The following TENM3 variants were observed in gnomAD, a reference collection of about 807,000 sequenced individuals.
TENM3 encodes the protein teneurin-3.
TENM3 carries 63 observed loss-of-function variants against 255.1 expected under a neutral mutation model. That is an observed-to-expected ratio of 0.25 (90% CI 0.20 to 0.30). The LOEUF is 0.30. Among genes scored for constraint, TENM3 ranks in the 10% least tolerant of loss-of-function variants. The pLI, the probability that TENM3 is intolerant of heterozygous loss-of-function variation, is 1.00. For missense variants in TENM3, 2,929 were observed against 3,461.1 expected (o/e 0.85, Z 3.86); for synonymous variants, 1,306 against 1,322.3 (o/e 0.99, Z 0.27).
the TENM3 span, among the ~76,000 whole-genome samples, chr4:181,786,166 T>C: frequency 6.6e-6 from 1 of 152,248 alleles, no homozygotes; most frequent in East Asian, 1.9e-4. Flanking sequence ...ATTATTAACT[T>C]TGGGACTTAC....
At chr4:182,088,130 A>C in the TENM3 span, among the ~76,000 whole-genome samples, 18,523 of 152,276 alleles carry the variant, frequency 0.12, 1,379 homozygotes, top group Non-Finnish European at 0.16. Context: ...TTCTAAAAAT[A>C]ATTTTACTCC....
chr4:181,680,196 G>T, the TENM3 span, among the ~76,000 whole-genome samples: 1 of 152,016 alleles, frequency 6.6e-6, no homozygotes, highest in East Asian at 1.9e-4. Context: ...ATTTATATCT[G>T]AACTCTACAG....
At chr4:182,403,788 C>T (rs1328691315) in intron 3 of TENM3, among the ~76,000 whole-genome samples, 1 of 152,158 alleles carries the variant, frequency 6.6e-6, no homozygotes, top group African/African-American at 2.4e-5. Flanking sequence ...GTGGCATGAT[C>T]ATGGCTCACT....
At chr4:181,815,412 G>A in the TENM3 span, among the ~76,000 whole-genome samples, 6 of 140,534 alleles carry the variant, frequency 4.3e-5, no homozygotes, top group South Asian at 2.3e-4. Flanking sequence ...GCAGTAAGCC[G>A]AGATCATGCC....
the TENM3 span, among the ~76,000 whole-genome samples, chr4:182,031,433 A>G: frequency 6.6e-6 from 1 of 152,138 alleles, no homozygotes; most frequent in African/African-American, 2.4e-5. Flanking sequence ...TTGTACCAGT[A>G]CCATGCTGTT....
the TENM3 span, among the ~76,000 whole-genome samples, chr4:181,969,189 C>T: frequency 0.035 from 5,306 of 152,182 alleles, 320 homozygotes; most frequent in African/African-American, 0.12. Context: ...CTGCCAAACA[C>T]GTTACAAATG....
chr4:182,528,545 C>G (rs1467178825), intron 3 of TENM3, among the ~76,000 whole-genome samples: 1 of 152,036 alleles, frequency 6.6e-6, no homozygotes, highest in Non-Finnish European at 1.5e-5. Flanking sequence ...CAGCAAAGAC[C>G]TTAAACCAAA....
the TENM3 span, among the ~76,000 whole-genome samples, chr4:181,955,437 A>G: frequency 6.6e-6 from 1 of 152,216 alleles, no homozygotes; most frequent in Non-Finnish European, 1.5e-5. Flanking sequence ...ATCAGCCAGG[A>G]AAATGTCTGG....
At chr4:182,757,494 A>G (rs957409138) in intron 22 of TENM3, among the ~76,000 whole-genome samples, 2 of 152,054 alleles carry the variant, frequency 1.3e-5, no homozygotes, top group African/African-American at 4.8e-5. Context: ...AGTTCATTGT[A>G]TGGATTAGTG....
chr4:181,695,267 A>G, the TENM3 span, among the ~76,000 whole-genome samples: 51,954 of 151,990 alleles, frequency 0.34, 10,094 homozygotes, highest in Admixed American at 0.51. Flanking sequence ...TGTCCCTCAA[A>G]CTCTAGCATT....
chr4:182,695,310 C>A (rs1341434142), intron 12 of TENM3, among the ~76,000 whole-genome samples: 1 of 152,136 alleles, frequency 6.6e-6, no homozygotes, highest in Non-Finnish European at 1.5e-5. Context: ...TTTGCACTGG[C>A]ACCTCCTAAG....
chr4:181,901,821 A>G, the TENM3 span, among the ~76,000 whole-genome samples: 1 of 152,206 alleles, frequency 6.6e-6, no homozygotes, highest in Non-Finnish European at 1.5e-5. Context: ...AGAGTCTTCA[A>G]ATTATTATTA....
intron 2 of TENM3, among the ~76,000 whole-genome samples, chr4:182,326,099 C>T (rs1324762042): frequency 6.6e-6 from 1 of 152,196 alleles, no homozygotes; most frequent in Non-Finnish European, 1.5e-5. Context: ...AGAGAAAGGG[C>T]GCCAGGCGGC....
At chr4:182,373,149 C>A (rs1177316913) in intron 3 of TENM3, among the ~76,000 whole-genome samples, 1 of 152,224 alleles carries the variant, frequency 6.6e-6, no homozygotes, top group African/African-American at 2.4e-5. Flanking sequence ...ATCTCACTTT[C>A]AGTAGCTGCC....
chr4:181,881,514 A>G, the TENM3 span, among the ~76,000 whole-genome samples: 2 of 152,148 alleles, frequency 1.3e-5, no homozygotes, highest in African/African-American at 4.8e-5. Flanking sequence ...AAGGATTCAT[A>G]TTTGTTGACC....
At chr4:182,306,662 A>G (rs1404354254) in intron 1 of TENM3, among the ~76,000 whole-genome samples, 1 of 152,200 alleles carries the variant, frequency 6.6e-6, no homozygotes, top group Non-Finnish European at 1.5e-5. Flanking sequence ...GTAGTATCTG[A>G]GGACTCTTGC....
chr4:181,520,602 A>C, the TENM3 span, among the ~76,000 whole-genome samples: 2 of 152,326 alleles, frequency 1.3e-5, no homozygotes, highest in African/African-American at 4.8e-5. Flanking sequence ...CCACTTAAAT[A>C]GCTTTGCCCA....
At chr4:181,834,535 G>C in the TENM3 span, among the ~76,000 whole-genome samples, 1 of 152,200 alleles carries the variant, frequency 6.6e-6, no homozygotes, top group African/African-American at 2.4e-5. Context: ...CCTCCAGCTG[G>C]TATGCACCTG....
intron 1 of TENM3, among the ~76,000 whole-genome samples, chr4:182,293,438 T>C (rs934285418): frequency 3.3e-5 from 5 of 152,172 alleles, no homozygotes; most frequent in African/African-American, 1.2e-4. Flanking sequence ...TCACTTACAG[T>C]AAAGAGGGTG....
Sources: gnomAD v4.1 joint callset for allele counts (sites outside exome capture counted in the v4.1 genomes callset) on GRCh38, gnomAD v4.1.1 for gene constraint, MANE v1.5 for transcripts, NCBI Gene and HGNC (gene_info 2026-07-23, HGNC 2026-07-21) for gene names.